Variants in C11orf58 observed in about 807,000 individuals in gnomAD.
C11orf58 encodes the protein chromosome 11 open reading frame 58.
In C11orf58, 5 loss-of-function variants were observed where a neutral mutation model predicts 22.7. The observed-to-expected ratio is 0.22, with a 90% CI of 0.12 to 0.46. The LOEUF (loss-of-function observed/expected upper bound fraction) is 0.46, where lower values mean the gene tolerates loss of function less well. Ranked by LOEUF, C11orf58 falls within the 20% of genes least tolerant of loss-of-function variation. C11orf58 has a pLI of 0.99. For missense variants in C11orf58, 151 were observed against 223.3 expected, an observed-to-expected ratio of 0.68 and a Z score of 2.06; for synonymous variants, 71 against 70.7, an observed-to-expected ratio of 1.00 and a Z score of -0.02.
chr11:16,754,549 T>G (rs1282180292), intron 4 of C11orf58, among the ~76,000 whole-genome samples: 9 of 28,788 alleles, frequency 3.1e-4, no homozygotes, highest in Non-Finnish European at 5.9e-4. Context: ...CTCTCTCCCT[T>G]TTTTTTTTTT....
At chr11:16,743,660 G>A (rs192773148) in intron 1 of C11orf58, among the ~76,000 whole-genome samples, 1 of 152,104 alleles carries the variant, frequency 6.6e-6, no homozygotes, top group Non-Finnish European at 1.5e-5. Flanking sequence ...GCTAAAAGTA[G>A]ACAACAGGTA....
chr11:16,749,003 T>C (rs1232446053), intron 3 of C11orf58: 2 of 152,216 alleles, frequency 1.3e-5, no homozygotes, highest in Admixed American at 6.5e-5. Flanking sequence ...AATGTCATAG[T>C]TGGCATTTGG....
Position 16,752,772 on chromosome 11 carries a change from C to G in C11orf58, c.209-13C>G. ...TTTGACTGAAACATAACTAAAGTAT[C>G]CTGGACATGCAGGGGAAGAAGACAA... is the stretch of plus-strand genomic sequence containing the variant. On this transcript the variant is annotated splice_polypyrimidine_tract_variant and intron_variant, in intron 3 of 4. Transcript: ENST00000228136. The G allele has an allele frequency of 6.4e-7, 1 of 1,561,570 alleles. No homozygotes were observed. The highest frequency in any genetic ancestry group is 8.8e-7 in the Non-Finnish European group (1 of 1,137,372).
rs1465489685 is a variant in C11orf58, at chr11:16,757,560, T to A, written c.*2456T>A. Among the ~76,000 whole-genome samples the A allele has an allele frequency of 6.6e-6, 1 of 152,136 alleles. No individual in the cohort carries two copies. Among genetic ancestry groups the A allele is most frequent in the African/African-American group, 2.4e-5 (1 of 41,426 alleles). Reference sequence around the variant, plus strand: ...AGCCTGAACATGTGGGTTTTTTAAATCAAATTGGAAAAAAATTAGACAACT... The same window carrying A: ...AGCCTGAACATGTGGGTTTTTTAAAACAAATTGGAAAAAAATTAGACAACT... On this transcript the variant is annotated 3_prime_UTR_variant, in exon 5 of 5. Transcript: ENST00000228136.
At chr11:16,751,611 C>G (rs1169240568) in intron 3 of C11orf58, 5 of 152,094 alleles carry the variant, frequency 3.3e-5, no homozygotes, top group African/African-American at 1.2e-4. Flanking sequence ...CAAAGCCAGA[C>G]TAGTATTATG....
Position 16,742,397 on chromosome 11 carries a change from A to C in C11orf58, c.64-2204A>C, listed in dbSNP as rs111735903. 5.2e-3 allele frequency among the ~76,000 whole-genome samples: 795 copies of C among 152,346 alleles called. 10 individuals carry two copies. Among genetic ancestry groups the C allele is most frequent in the East Asian group, 0.024 (124 of 5,182 alleles). ...TAGATAAGGAGTTAAAATTAAGTTA[A>C]ATGTCAGATCCTGGCTTACAGAGCA... On this transcript the variant is annotated intron_variant, in intron 1 of 4. Transcript: ENST00000228136.
intron 2 of C11orf58, among the ~76,000 whole-genome samples, 193 bp downstream of exon 2, chr11:16,744,877 T>A (rs1314655518): frequency 6.6e-6 from 1 of 152,214 alleles, no homozygotes; most frequent in Non-Finnish European, 1.5e-5. Flanking sequence ...CTTCTAGGAT[T>A]CTCTGTCCGT....
At chr11:16,741,793 T>A (rs1286370895) in intron 1 of C11orf58, among the ~76,000 whole-genome samples, 1 of 152,240 alleles carries the variant, frequency 6.6e-6, no homozygotes, top group South Asian at 2.1e-4. Flanking sequence ...AGATGATCTG[T>A]CATTGTCTCC....
chr11:16,754,900 G>A lies in C11orf58; in HGVS notation c.348G>A (p.Val116=). 1 of 1,613,974 alleles carries A rather than the reference G, an allele frequency of 6.2e-7. No homozygotes were observed. Among genetic ancestry groups the A allele is most frequent in the Non-Finnish European group, 8.5e-7 (1 of 1,179,958 alleles). Residue 116 remains valine (V), a synonymous_variant, in exon 5 of 5, where the codon GTG becomes GTA. Coordinates refer to ENST00000228136, the MANE Select transcript of C11orf58 (RefSeq NM_014267.6). The part of the protein sequence containing the change: ...EVEDHDGEGD[V]AGDDDDDDDD... ...AAGACCATGATGGAGAAGGTGATGT[G>A]GCTGGAGATGATGATGATGACGATG...
At chr11:16,748,633 T>C (rs916335315) in intron 3 of C11orf58, 4 of 149,914 alleles carry the variant, frequency 2.7e-5, no homozygotes, top group African/African-American at 7.4e-5. Context: ...TAATCCCAGC[T>C]GCTTGGGAGG....
chr11:16,752,649 A>G (rs1848542504), intron 3 of C11orf58, 136 bp from the exon 4 acceptor site: 1 of 490,066 alleles, frequency 2.0e-6, no homozygotes, highest in Non-Finnish European at 3.5e-6. Flanking sequence ...CACCTATGGC[A>G]TAAATTCTCA....
At position 16,755,138 on chromosome 11, in the gene C11orf58, G is replaced by C; in HGVS notation, c.*34G>C. On this transcript the variant is annotated 3_prime_UTR_variant, in exon 5 of 5. Transcript: ENST00000228136. The stretch of plus-strand genomic sequence containing the variant: ...CGCTTAGTCTTTGTATTAAAAGTAA[G>C]CCTTATTGTTACAATGCACAGTGGA... The C allele has an allele frequency of 6.2e-7, 1 of 1,606,338 alleles. No individual in the cohort carries two copies. Among genetic ancestry groups the C allele is most frequent in the Non-Finnish European group, 8.5e-7 (1 of 1,176,400 alleles).
chr11:16,742,519 AG>A (rs766350914), intron 1 of C11orf58, among the ~76,000 whole-genome samples: 2 of 152,170 alleles, frequency 1.3e-5, no homozygotes, highest in African/African-American at 4.8e-5. Flanking sequence ...AAAATATATG[AG>A]GGGGGTCACA....
chr11:16,742,103 T>C (rs1848452907), intron 1 of C11orf58, among the ~76,000 whole-genome samples: 1 of 152,186 alleles, frequency 6.6e-6, no homozygotes, highest in African/African-American at 2.4e-5. Context: ...CCTTAAAACA[T>C]TGGGATTAGA....
At chr11:16,748,286 G>A in intron 3 of C11orf58, 129 bp downstream of exon 3, 1 of 745,712 alleles carries the variant, frequency 1.3e-6, no homozygotes, top group Non-Finnish European at 2.2e-6. Flanking sequence ...TTAGAGCTGG[G>A]TGCAGTGGCT....
At chr11:16,743,474 C>G (rs1848463616) in intron 1 of C11orf58, among the ~76,000 whole-genome samples, 1 of 152,118 alleles carries the variant, frequency 6.6e-6, no homozygotes, top group Non-Finnish European at 1.5e-5. Context: ...TCCAAAAACT[C>G]ATAGTCTGAG....
In C11orf58 at chr11:16,757,721, C is replaced by G. The variant is rs1848592937; in HGVS notation, c.*2617C>G. Among the ~76,000 whole-genome samples, 1 of 152,210 alleles carries G rather than the reference C, an allele frequency of 6.6e-6. No individual in the cohort carries two copies. The highest frequency in any genetic ancestry group is 1.9e-4 in the East Asian group (1 of 5,202). On this transcript the variant is annotated 3_prime_UTR_variant, in exon 5 of 5. Transcript: ENST00000228136. The stretch of plus-strand genomic sequence containing the variant: ...TTCATGACTTAATACCTGAAATGCA[C>G]TTTTAAATGTTTGCCTTATATCCAA...
At chr11:16,748,453 G>A (rs530631897) in intron 3 of C11orf58, 1 of 177,526 alleles carries the variant, frequency 5.6e-6, no homozygotes, top group African/African-American at 2.4e-5. Flanking sequence ...AAAAAGGAGA[G>A]AAAAAAATGC....
chr11:16,754,529 T>TTCTCTCTC (rs1279102286), intron 4 of C11orf58, among the ~76,000 whole-genome samples: 122 of 143,032 alleles, frequency 8.5e-4, no homozygotes, highest in African/African-American at 2.6e-3. Flanking sequence ...TTTTTTTAGT[T>TTCTCTCTC]TCTCTCTCTC....
Sources: gnomAD v4.1 joint callset for allele counts (sites outside exome capture counted in the v4.1 genomes callset) on GRCh38, gnomAD v4.1.1 for gene constraint, MANE v1.5 for transcripts, NCBI Gene and HGNC (gene_info 2026-07-23, HGNC 2026-07-21) for gene names.